ROBO2: variants seen among roughly 807,000 people sequenced by gnomAD.
The protein encoded by ROBO2 is roundabout homolog 2.
ROBO2 carries 53 observed loss-of-function variants against 160.8 expected under a neutral mutation model. The observed-to-expected ratio is 0.33, with a 90% confidence interval of 0.26 to 0.41. ROBO2 has a LOEUF of 0.41. Ranked by LOEUF, ROBO2 falls within the 10% of genes least tolerant of loss-of-function variation. The pLI is 1.00. For synonymous variants in ROBO2, 664 were observed against 611.7 expected (o/e 1.09, Z -1.26); for missense variants, 1,577 against 1,722.4 (o/e 0.92, Z 1.49).
intron 2 of ROBO2, among the ~76,000 whole-genome samples, chr3:76,865,456 T>C (rs949911531): frequency 6.6e-6 from 1 of 152,106 alleles, no homozygotes; most frequent in Non-Finnish European, 1.5e-5. Flanking sequence ...GTTTGTGGAC[T>C]AGCAATTGTC....
chr3:76,563,104 G>A (rs925609503), intron 2 of ROBO2, among the ~76,000 whole-genome samples: 1 of 151,914 alleles, frequency 6.6e-6, no homozygotes, highest in Non-Finnish European at 1.5e-5. Context: ...CAAACTGAAG[G>A]ATTTTTTTTT....
chr3:76,767,702 G>T (rs1410436613), intron 2 of ROBO2, among the ~76,000 whole-genome samples: 4 of 151,286 alleles, frequency 2.6e-5, no homozygotes, highest in Non-Finnish European at 4.4e-5. Flanking sequence ...AAACTTTTTT[G>T]CTTTATTTTT....
At chr3:77,611,647 C>A (rs909656673) in intron 21 of ROBO2, among the ~76,000 whole-genome samples, 1 of 152,054 alleles carries the variant, frequency 6.6e-6, no homozygotes, top group East Asian at 1.9e-4. Flanking sequence ...AAAAGCTTAG[C>A]TATCATCAGT....
chr3:77,617,760 G>A, exon 22 of ROBO2: 1 of 1,612,906 alleles, frequency 6.2e-7, no homozygotes, highest in Non-Finnish European at 8.5e-7. Flanking sequence ...GTTTGATATA[G>A]CAAAACAAAC....
At chr3:77,342,118 A>G (rs1422791538) in intron 2 of ROBO2, among the ~76,000 whole-genome samples, 1 of 152,174 alleles carries the variant, frequency 6.6e-6, no homozygotes, top group Non-Finnish European at 1.5e-5. Context: ...TAGATATTCT[A>G]GTATGGTACA....
chr3:76,979,391 C>T (rs886521496), intron 2 of ROBO2, among the ~76,000 whole-genome samples: 1 of 152,056 alleles, frequency 6.6e-6, no homozygotes, highest in South Asian at 2.1e-4. Context: ...TCCAGGTCTC[C>T]AGTGTCTATT....
intron 2 of ROBO2, among the ~76,000 whole-genome samples, chr3:76,679,875 C>A (rs1250013389): frequency 2.0e-5 from 3 of 152,018 alleles, no homozygotes; most frequent in African/African-American, 7.3e-5. Flanking sequence ...TATCTTTATT[C>A]CTTCTTTGGC....
chr3:76,657,872 A>G (rs926315957), intron 2 of ROBO2, among the ~76,000 whole-genome samples: 6 of 147,322 alleles, frequency 4.1e-5, no homozygotes, highest in African/African-American at 1.5e-4. Flanking sequence ...CATTATATAT[A>G]TGTGTGTGTG....
intron 2 of ROBO2, among the ~76,000 whole-genome samples, chr3:76,233,540 C>G (rs1704750842): frequency 6.6e-6 from 1 of 152,310 alleles, no homozygotes; most frequent in Non-Finnish European, 1.5e-5. Flanking sequence ...TTCTGTCAGC[C>G]TGTGCACATG....
intron 2 of ROBO2, among the ~76,000 whole-genome samples, chr3:76,237,291 G>C (rs547069370): frequency 4.6e-5 from 7 of 152,220 alleles, no homozygotes; most frequent in African/African-American, 1.7e-4. Context: ...GGAATCTGTG[G>C]AACCTATCAA....
intron 2 of ROBO2, among the ~76,000 whole-genome samples, chr3:76,204,321 G>A (rs186755569): frequency 1.3e-5 from 2 of 152,036 alleles, no homozygotes; most frequent in South Asian, 2.1e-4. Context: ...CTTTATTACC[G>A]CGAGGAAGCA....
At chr3:76,880,044 T>G (rs992281630) in intron 2 of ROBO2, among the ~76,000 whole-genome samples, 1 of 152,152 alleles carries the variant, frequency 6.6e-6, no homozygotes, top group Non-Finnish European at 1.5e-5. Flanking sequence ...CCAAGGGCCT[T>G]TATGGTCATA....
chr3:77,048,172 A>G (rs1161327393), intron 1 of ROBO2, among the ~76,000 whole-genome samples: 1 of 152,236 alleles, frequency 6.6e-6, no homozygotes, highest in Non-Finnish European at 1.5e-5. Flanking sequence ...GAACAAGGAA[A>G]ATAACTAGAA....
intron 2 of ROBO2, among the ~76,000 whole-genome samples, chr3:77,446,127 T>C (rs1234617036): frequency 6.6e-6 from 1 of 152,066 alleles, no homozygotes; most frequent in East Asian, 1.9e-4. Context: ...AAAATTTGTA[T>C]TGATTTTTCT....
At chr3:76,275,214 G>T (rs946903449) in intron 2 of ROBO2, among the ~76,000 whole-genome samples, 2 of 152,144 alleles carry the variant, frequency 1.3e-5, no homozygotes, top group Non-Finnish European at 2.9e-5. Context: ...TTAAGGATGA[G>T]TAGTTTGAGT....
chr3:76,706,302 G>C (rs894011189), intron 2 of ROBO2, among the ~76,000 whole-genome samples: 1 of 152,026 alleles, frequency 6.6e-6, no homozygotes, highest in Non-Finnish European at 1.5e-5. Flanking sequence ...CTTTGTTCCA[G>C]TAAATATTTG....
At chr3:76,749,756 G>A (rs1030740410) in intron 2 of ROBO2, among the ~76,000 whole-genome samples, 4 of 152,070 alleles carry the variant, frequency 2.6e-5, no homozygotes, top group African/African-American at 9.7e-5. Context: ...AACGTATACT[G>A]AGACTGAGGG....
intron 2 of ROBO2, among the ~76,000 whole-genome samples, chr3:76,654,854 TACAC>T (rs3065726): frequency 0.092 from 13,154 of 143,280 alleles, 1,561 homozygotes; most frequent in African/African-American, 0.27. Flanking sequence ...TATATATATA[TACAC>T]ACACGTACAT....
At chr3:76,487,310 G>A (rs1002000352) in intron 2 of ROBO2, among the ~76,000 whole-genome samples, 12 of 151,676 alleles carry the variant, frequency 7.9e-5, no homozygotes, top group African/African-American at 2.2e-4. Flanking sequence ...TTTCTGTCCC[G>A]TCACATCCTT....
Sources: gnomAD v4.1 joint callset for allele counts (sites outside exome capture counted in the v4.1 genomes callset) on GRCh38, gnomAD v4.1.1 for gene constraint, MANE v1.5 for transcripts, NCBI Gene and HGNC (gene_info 2026-07-23, HGNC 2026-07-21) for gene names.